Variants in MYPN observed in about 807,000 individuals in gnomAD.
The protein encoded by MYPN is sarcomeric protein myopalladin, 145 kDa (MYOP).
Under a neutral mutation model 129.4 loss-of-function variants are expected in MYPN, and 63 were observed. That is an observed-to-expected ratio of 0.49 (90% CI 0.40 to 0.60). The LOEUF (loss-of-function observed/expected upper bound fraction) is 0.60. Ranked by LOEUF, MYPN falls within the 20% of genes least tolerant of loss-of-function variation. MYPN has a pLI of 0.00. For synonymous variants in MYPN, 629 were observed against 600.9 expected (o/e 1.05, Z -0.68); for missense variants, 1,596 against 1,635.4 (o/e 0.98, Z 0.42).
intron 14 of MYPN, among the ~76,000 whole-genome samples, 169 bp from the exon 15 acceptor site, chr10:68,195,281 A>G (rs1277102616): frequency 6.6e-6 from 1 of 152,236 alleles, no homozygotes; most frequent in Non-Finnish European, 1.5e-5. Flanking sequence ...TCCCCCTGGA[A>G]TATTAACAAT....
chr10:68,190,740 T>C (rs74972760), intron 13 of MYPN, among the ~76,000 whole-genome samples: 7,956 of 152,264 alleles, frequency 0.052, 241 homozygotes, highest in Middle Eastern at 0.065. Context: ...TTTAAGGTCT[T>C]ACCCAAAAAA....
intron 12 of MYPN, among the ~76,000 whole-genome samples, chr10:68,180,190 T>TTG (rs2043293300): frequency 6.6e-6 from 1 of 152,112 alleles, no homozygotes; most frequent in African/African-American, 2.4e-5. Context: ...AATTATCTTC[T>TTG]AGTTATGTTA....
At chr10:68,158,217 AG>A (rs1280690087) in intron 6 of MYPN, 52 of 422,904 alleles carry the variant, frequency 1.2e-4, no homozygotes, top group African/African-American at 1.0e-3. Context: ...CTGTGCGCTC[AG>A]TGGAAGAAGA....
chr10:68,174,538 C>A lies in MYPN; in HGVS notation c.2446C>A (p.Pro816Thr), dbSNP rs1445339377. 6.2e-7 allele frequency: 1 copy of A among 1,613,976 alleles called. No homozygotes were observed. The highest frequency in any genetic ancestry group is 1.3e-5 in the African/African-American group (1 of 74,938). The stretch of plus-strand genomic sequence containing the variant: ...TCAGCCCCGCTGTGTGTCCCCAATT[C>A]CTGTCTCTCCTACCAGCCGGATTCA... ...QFQPRCVSPI[P>T]VSPTSRIQNP... Residue 816 changes from proline (P) to threonine (T), a missense_variant, in exon 11 of 20, where the codon CCT becomes ACT. Transcript: ENST00000358913.
intron 2 of MYPN, among the ~76,000 whole-genome samples, chr10:68,133,110 C>A (rs2042435618): frequency 6.7e-6 from 1 of 149,912 alleles, no homozygotes; most frequent in Non-Finnish European, 1.5e-5. Context: ...ACTGTAACCA[C>A]CACCTTCTTG....
chr10:68,108,920 C>T (rs1281362415), upstream of MYPN, among the ~76,000 whole-genome samples: 1 of 152,108 alleles, frequency 6.6e-6, no homozygotes, highest in Non-Finnish European at 1.5e-5. Context: ...GGGGTTTCGC[C>T]ATGTAGGCCA....
intron 13 of MYPN, among the ~76,000 whole-genome samples, chr10:68,190,049 G>A (rs1362599968): frequency 6.6e-6 from 1 of 151,866 alleles, no homozygotes; most frequent in Non-Finnish European, 1.5e-5. Context: ...TGTCTTTTTG[G>A]TAATAGCCAT....
intron 10 of MYPN, among the ~76,000 whole-genome samples, chr10:68,168,793 C>A (rs116742076): frequency 9.4e-4 from 142 of 151,752 alleles, no homozygotes; most frequent in African/African-American, 1.6e-3. Context: ...ATGCCAGAGT[C>A]GGGATGAAAA....
chr10:68,131,720 A>G (rs1187033893), intron 2 of MYPN, among the ~76,000 whole-genome samples: 1 of 152,112 alleles, frequency 6.6e-6, no homozygotes, highest in Admixed American at 6.5e-5. Context: ...AAAGATTTGT[A>G]ATCTTTTCTC....
intron 11 of MYPN, 46 bp from the exon 12 acceptor site, chr10:68,175,277 G>A: frequency 6.2e-7 from 1 of 1,611,096 alleles, no homozygotes; most frequent in Non-Finnish European, 8.5e-7. Context: ...TTTTTACCCT[G>A]GCCAGTGCTT....
chr10:68,127,741 G>A (rs2042349071), intron 2 of MYPN, among the ~76,000 whole-genome samples: 1 of 152,030 alleles, frequency 6.6e-6, no homozygotes, highest in Admixed American at 6.5e-5. Context: ...AAACTTTTGA[G>A]GCATCTCCAC....
intron 2 of MYPN, among the ~76,000 whole-genome samples, chr10:68,142,443 A>AT (rs1463757678): frequency 3.9e-5 from 6 of 152,224 alleles, no homozygotes; most frequent in Non-Finnish European, 7.3e-5. Flanking sequence ...CTGGGAGAAT[A>AT]TGACCCCTCC....
At chr10:68,090,479 T>C (rs1056163945) in intron 1 of MYPN, among the ~76,000 whole-genome samples, 1 of 152,174 alleles carries the variant, frequency 6.6e-6, no homozygotes, top group African/African-American at 2.4e-5. Flanking sequence ...TGAGCACTTA[T>C]TAAAACAGGT....
At chr10:68,149,451 A>T (rs1040112297) in intron 5 of MYPN, among the ~76,000 whole-genome samples, 2 of 151,696 alleles carry the variant, frequency 1.3e-5, no homozygotes, top group African/African-American at 4.9e-5. Context: ...TTATATACAT[A>T]TTTTTTTTCT....
Position 68,122,258 on chromosome 10 carries a change from A to C in MYPN, c.820A>C (p.Lys274Gln). Residue 274 changes from lysine (K) to glutamine (Q), a missense_variant, in exon 2 of 20, where the codon AAG becomes CAG. Lys to Gln is a moderately conservative substitution (Grantham distance 53, BLOSUM62 1). Transcript: ENST00000358913. ...PLGQPPRFTQ[K>Q]LRSREVPEGT... The stretch of plus-strand genomic sequence containing the variant: ...GGGGCAACCTCCCCGGTTCACTCAA[A>C]AGTTACGGAGCAGAGAAGTTCCAGA... The C allele has an allele frequency of 6.2e-7, 1 of 1,613,802 alleles. No homozygotes were observed. Among genetic ancestry groups the C allele is most frequent in the Non-Finnish European group, 8.5e-7 (1 of 1,179,880 alleles).
rs151282801 is a variant in MYPN at position 68,195,498 on chromosome 10, C to A, written c.3124C>A (p.Arg1042Ser). The change falls in exon 15 of 20, where the codon CGC (arginine) becomes AGC (serine). Residue 1042 changes from arginine to serine, a missense_variant. Transcript: ENST00000358913. The part of the protein sequence containing the change: ...GHLMVQSLPI[R>S]SRLTSAGQSH... ...CTTGATGGTACAAAGTTTGCCCATT[C>A]GCAGTCGGCTAACCTCTGCTGGTCA... is the stretch of plus-strand genomic sequence containing the variant. The A allele has an allele frequency of 3.1e-6, 5 of 1,614,034 alleles. No individual in the cohort carries two copies. The highest frequency in any genetic ancestry group is 4.5e-5 in the East Asian group (2 of 44,870).
At chr10:68,185,933 G>T (rs1004115149) in intron 12 of MYPN, among the ~76,000 whole-genome samples, 9 of 152,186 alleles carry the variant, frequency 5.9e-5, no homozygotes, top group Non-Finnish European at 1.2e-4. Flanking sequence ...TCATTGTGAA[G>T]AATTAGGCTG....
chr10:68,115,278 A>G (rs1203632416), intron 1 of MYPN, among the ~76,000 whole-genome samples: 1 of 151,790 alleles, frequency 6.6e-6, no homozygotes, highest in African/African-American at 2.4e-5. Flanking sequence ...AAAAAAAAAA[A>G]AAGTCAAATG....
chr10:68,193,484 G>A (rs2043549434), intron 13 of MYPN, among the ~76,000 whole-genome samples: 1 of 152,124 alleles, frequency 6.6e-6, no homozygotes, highest in Non-Finnish European at 1.5e-5. Context: ...ACCTGTTCTT[G>A]TACAAAGTGA....
Sources: gnomAD v4.1 joint callset for allele counts (sites outside exome capture counted in the v4.1 genomes callset) on GRCh38, gnomAD v4.1.1 for gene constraint, MANE v1.5 for transcripts, NCBI Gene and HGNC (gene_info 2026-07-23, HGNC 2026-07-21) for gene names.